Variants in ACTR3B observed in about 807,000 individuals in gnomAD.
ACTR3B encodes the protein actin-related protein 3B.
Under a neutral mutation model 59.0 loss-of-function variants are expected in ACTR3B, and 8 were observed. The ratio of observed to expected loss-of-function variants is 0.14; its 90% confidence interval spans 0.08 to 0.24. The LOEUF (loss-of-function observed/expected upper bound fraction) is 0.24, where lower values mean the gene tolerates loss of function less well. Among genes scored for constraint, ACTR3B ranks in the 10% least tolerant of loss-of-function variants. ACTR3B has a pLI of 1.00. For synonymous variants in ACTR3B, 148 were observed against 197.9 expected, an observed-to-expected ratio of 0.75 and a Z score of 2.12; for missense variants, 245 against 552.3, an observed-to-expected ratio of 0.44 and a Z score of 5.58.
intron 1 of ACTR3B, among the ~76,000 whole-genome samples, chr7:152,777,278 T>C (rs1260196987): frequency 6.6e-6 from 1 of 152,188 alleles, no homozygotes; most frequent in Non-Finnish European, 1.5e-5. Flanking sequence ...TTAAAAAATA[T>C]TGACTCTTCC....
chr7:152,852,057 T>C (rs1470799811), intron 9 of ACTR3B, 69 bp from the exon 10 acceptor site: 8 of 1,609,450 alleles, frequency 5.0e-6, no homozygotes, highest in Admixed American at 1.7e-5. Flanking sequence ...GGGAGTTCTG[T>C]TGTGGGTGGT....
intron 2 of ACTR3B, among the ~76,000 whole-genome samples, chr7:152,789,913 C>T (rs1312751105): frequency 6.7e-6 from 1 of 149,372 alleles, no homozygotes; most frequent in Admixed American, 6.6e-5. Flanking sequence ...TTAAAAAAAT[C>T]ATGAATGACA....
chr7:152,834,427 T>G (rs903210215), intron 9 of ACTR3B, among the ~76,000 whole-genome samples: 4 of 152,390 alleles, frequency 2.6e-5, no homozygotes, highest in Middle Eastern at 3.4e-3. Context: ...GTGCTGGGAT[T>G]ACAAGTGTGA....
intron 8 of ACTR3B, 127 bp downstream of exon 8, chr7:152,823,642 C>G (rs1327849098): frequency 8.3e-7 from 1 of 1,207,290 alleles, no homozygotes; most frequent in Non-Finnish European, 1.2e-6. Flanking sequence ...CTCTCTGCAT[C>G]CCCTGTGCAG....
At chr7:152,851,134 A>G (rs182272838) in intron 9 of ACTR3B, among the ~76,000 whole-genome samples, 5 of 152,348 alleles carry the variant, frequency 3.3e-5, no homozygotes, top group South Asian at 4.1e-4. Context: ...ATACATACCT[A>G]TGATAAAGTT....
At chr7:152,789,945 A>G (rs1488617266) in intron 2 of ACTR3B, among the ~76,000 whole-genome samples, 1 of 151,834 alleles carries the variant, frequency 6.6e-6, no homozygotes, top group Non-Finnish European at 1.5e-5. Context: ...CATTTAGTCA[A>G]AGCTTTTCTG....
rs927450805 is a variant in ACTR3B, at chr7:152,800,412, C to G, written c.101-119C>G. 36 of 1,318,266 alleles carry G rather than the reference C, an allele frequency of 2.7e-5. No individual in the cohort carries two copies. The African/African-American group carries it at 3.3e-4, about 12-fold the overall frequency. 81.7% of individuals were successfully genotyped at this position (1,318,266 alleles called of 1,614,324 possible). ...TGTCTTTTCTGTGAGCACCCTTCAC[C>G]CCACATGGAGCCCTAACAATGAAAA... is the stretch of plus-strand genomic sequence containing the variant. On this transcript the variant is annotated intron_variant, in intron 2 of 11. Transcript: ENST00000256001.
intron 7 of ACTR3B, among the ~76,000 whole-genome samples, chr7:152,821,244 CCTT>C (rs1796128502): frequency 6.6e-6 from 1 of 152,092 alleles, no homozygotes; most frequent in Admixed American, 6.5e-5. Context: ...TAAGGGGTCA[CCTT>C]CTCCTTTCTT....
chr7:152,804,883 G>A (rs1287695788), intron 4 of ACTR3B, among the ~76,000 whole-genome samples: 1 of 152,054 alleles, frequency 6.6e-6, no homozygotes, highest in Admixed American at 6.6e-5. Context: ...AGCTGAGACC[G>A]CCTGAGAACA....
chr7:152,842,064 A>G (rs1466146470), intron 9 of ACTR3B, among the ~76,000 whole-genome samples: 7 of 152,186 alleles, frequency 4.6e-5, no homozygotes, highest in African/African-American at 7.2e-5. Flanking sequence ...TCTGCTTCCT[A>G]TCACTGTAGA....
At chr7:152,816,312 C>G (rs1465857113) in intron 5 of ACTR3B, among the ~76,000 whole-genome samples, 169 bp from the exon 6 acceptor site, 7 of 151,668 alleles carry the variant, frequency 4.6e-5, no homozygotes, top group Non-Finnish European at 2.9e-5. Flanking sequence ...GTTAGTTGTC[C>G]AAGTTTGAAT....
chr7:152,777,282 C>T (rs757195284), intron 1 of ACTR3B, among the ~76,000 whole-genome samples: 1 of 152,084 alleles, frequency 6.6e-6, no homozygotes, highest in Non-Finnish European at 1.5e-5. Context: ...AAAATATTGA[C>T]TCTTCCTCCT....
At chr7:152,771,312 T>C (rs1320986450) in intron 1 of ACTR3B, among the ~76,000 whole-genome samples, 1 of 152,092 alleles carries the variant, frequency 6.6e-6, no homozygotes, top group African/African-American at 2.4e-5. Flanking sequence ...ATGAGCTCAA[T>C]AAAACAAAAG....
At chr7:152,785,444 AGGG>A (rs1388569192) in intron 2 of ACTR3B, among the ~76,000 whole-genome samples, 1 of 722 alleles carries the variant, frequency 1.4e-3, no homozygotes, top group African/African-American at 7.2e-3. Context: ...GGGGAGGGGG[AGGG>A]GGGAGAGGGG....
chr7:152,764,499 C>T (rs557927387), intron 1 of ACTR3B, among the ~76,000 whole-genome samples: 1 of 151,874 alleles, frequency 6.6e-6, no homozygotes, highest in Non-Finnish European at 1.5e-5. Flanking sequence ...AAAAAATTAG[C>T]CGGGCACACT....
intron 9 of ACTR3B, among the ~76,000 whole-genome samples, chr7:152,826,832 T>C (rs1309307223): frequency 6.7e-6 from 1 of 148,974 alleles, no homozygotes; most frequent in African/African-American, 2.5e-5. Flanking sequence ...ATAATGACAC[T>C]GAGCCCCAGA....
intron 9 of ACTR3B, among the ~76,000 whole-genome samples, chr7:152,837,753 G>T (rs1002048046): frequency 6.6e-6 from 1 of 152,204 alleles, no homozygotes; most frequent in African/African-American, 2.4e-5. Flanking sequence ...GTCACACTGA[G>T]AAATGGTTTG....
chr7:152,796,861 T>G (rs1309698599), intron 2 of ACTR3B, among the ~76,000 whole-genome samples: 684 of 2,572 alleles, frequency 0.27, 5 homozygotes, highest in African/African-American at 0.35. Context: ...AGTTTTTGTG[T>G]TTTTTTTTTT....
rs1315009282 is a variant in ACTR3B, at chr7:152,854,083, A to AT, written c.1162-373dup. On this transcript the variant is annotated intron_variant, in intron 11 of 11. Transcript: ENST00000256001. The surrounding 1 kb of genome is among the most constrained non-coding windows in gnomAD (Gnocchi z 4.9). Reference sequence around the variant, plus strand: ...ACACATTTATCACGTGTCCTTGCTAATTAGGGGTTACAGAAAACATGGTAA... The same window carrying AT: ...ACACATTTATCACGTGTCCTTGCTAATTTAGGGGTTACAGAAAACATGGTAA... Among the ~76,000 whole-genome samples, 1 of 152,194 alleles carries AT rather than the reference A, an allele frequency of 6.6e-6. No individual in the cohort carries two copies.
Sources: allele counts gnomAD v4.1 joint callset (sites outside exome capture counted in the v4.1 genomes callset), GRCh38; gene constraint gnomAD v4.1.1; non-coding constraint Gnocchi (gnomAD v3.1); transcripts MANE v1.5; gene names NCBI Gene and HGNC (gene_info 2026-07-23, HGNC 2026-07-21).